The following RBFOX1 variants were observed in gnomAD, a reference collection of about 807,000 sequenced individuals.
The protein encoded by RBFOX1 is RNA binding fox-1 homolog 1, also known as RNA binding protein fox-1 homolog 1.
In RBFOX1, 8 loss-of-function variants were observed where a neutral mutation model predicts 57.7. The ratio of observed to expected loss-of-function variants is 0.14; its 90% CI spans 0.08 to 0.25. RBFOX1 has a LOEUF of 0.25. RBFOX1 is among the 10% of genes least tolerant of loss of function. The pLI, the probability that RBFOX1 is intolerant of heterozygous loss-of-function variation, is 1.00. For missense variants in RBFOX1, 611 were observed against 548.5 expected, an observed-to-expected ratio of 1.11 and a Z score of -1.14; for synonymous variants, 326 against 222.4, an observed-to-expected ratio of 1.47 and a Z score of -4.15.
chr16:7,678,419 C>G (rs2073935247), intron 14 of RBFOX1, among the ~76,000 whole-genome samples: 2 of 152,108 alleles, frequency 1.3e-5, no homozygotes, highest in South Asian at 4.1e-4. Context: ...TGCACTGAAG[C>G]TTCACAAAGT....
chr16:6,601,343 C>A (rs139874575), intron 2 of RBFOX1, among the ~76,000 whole-genome samples: 1 of 152,016 alleles, frequency 6.6e-6, no homozygotes. Context: ...ATTAGAGTTT[C>A]TTGTCTACTT....
At chr16:5,346,155 C>G (rs1028767141) in intron 1 of RBFOX1, among the ~76,000 whole-genome samples, 4 of 152,170 alleles carry the variant, frequency 2.6e-5, no homozygotes, top group African/African-American at 9.7e-5. Context: ...CTCCTGGGCT[C>G]TGGAGGCAGA....
intron 3 of RBFOX1, among the ~76,000 whole-genome samples, chr16:5,744,955 T>A (rs1291358642): frequency 6.6e-6 from 1 of 152,130 alleles, no homozygotes; most frequent in African/African-American, 2.4e-5. Flanking sequence ...GTATTTTTTT[T>A]TATTATACTT....
intron 4 of RBFOX1, among the ~76,000 whole-genome samples, chr16:7,326,023 G>A (rs146507343): frequency 6.6e-6 from 1 of 152,256 alleles, no homozygotes; most frequent in African/African-American, 2.4e-5. Context: ...AGGCATGTAG[G>A]GAAACCTGAC....
At chr16:7,494,551 A>G (rs8059779) in intron 4 of RBFOX1, among the ~76,000 whole-genome samples, 10 of 152,052 alleles carry the variant, frequency 6.6e-5, no homozygotes, top group Non-Finnish European at 1.3e-4. Flanking sequence ...TAGCACAGAG[A>G]TGTTCAGCAT....
At chr16:6,922,543 G>A (rs1038957319) in intron 3 of RBFOX1, among the ~76,000 whole-genome samples, 4 of 152,136 alleles carry the variant, frequency 2.6e-5, no homozygotes, top group African/African-American at 9.7e-5. Flanking sequence ...CTGCGTCTGT[G>A]TTTTCATTTC....
At chr16:6,841,772 G>T (rs949153085) in intron 3 of RBFOX1, among the ~76,000 whole-genome samples, 2 of 152,092 alleles carry the variant, frequency 1.3e-5, no homozygotes, top group Non-Finnish European at 2.9e-5. Flanking sequence ...TGCAGCTTAA[G>T]GGTTCCATTC....
intron 1 of RBFOX1, among the ~76,000 whole-genome samples, chr16:6,071,985 C>T (rs1393000518): frequency 6.6e-6 from 1 of 152,136 alleles, no homozygotes; most frequent in African/African-American, 2.4e-5. Context: ...TTGTTTTAGT[C>T]AGTTCTCACA....
chr16:7,663,984 C>G (rs1194288014), intron 12 of RBFOX1, among the ~76,000 whole-genome samples: 1 of 152,166 alleles, frequency 6.6e-6, no homozygotes, highest in African/African-American at 2.4e-5. Context: ...TCTGAAGTCT[C>G]TTCTTTCTGG....
At chr16:7,364,304 G>C (rs1306576143) in intron 4 of RBFOX1, among the ~76,000 whole-genome samples, 1 of 152,080 alleles carries the variant, frequency 6.6e-6, no homozygotes, top group Non-Finnish European at 1.5e-5. Context: ...TTATCTTGCA[G>C]TTACTATGGA....
intron 2 of RBFOX1, among the ~76,000 whole-genome samples, chr16:5,524,185 A>G (rs1381365781): frequency 1.3e-5 from 2 of 152,216 alleles, no homozygotes; most frequent in Non-Finnish European, 2.9e-5. Context: ...TCTAGAGCTG[A>G]GACAAAGCTG....
intron 4 of RBFOX1, among the ~76,000 whole-genome samples, chr16:7,134,564 C>G (rs957897580): frequency 2.6e-5 from 4 of 152,214 alleles, no homozygotes; most frequent in Middle Eastern, 3.4e-3. Context: ...AATTGCTAGC[C>G]TATTTTCTTA....
At position 6,812,645 on chromosome 16, in the gene RBFOX1, G is replaced by A. The variant is rs552249179; in HGVS notation, c.-16+157995G>A. On this transcript the variant is annotated intron_variant, in intron 3 of 15. Coordinates refer to ENST00000550418, the MANE Select transcript of RBFOX1 (RefSeq NM_018723.4). Reference sequence around the variant, plus strand: ...ACCCGCCTCAGCCTACCACAGTGCTGGGATTACAGGCGTGAGCTACCACGC... The same window carrying A: ...ACCCGCCTCAGCCTACCACAGTGCTAGGATTACAGGCGTGAGCTACCACGC... 3.3e-5 allele frequency among the ~76,000 whole-genome samples: 5 copies of A among 152,290 alleles called. No homozygotes were observed. In the East Asian group the frequency reaches 9.7e-4, roughly 29 times the overall value.
intron 4 of RBFOX1, among the ~76,000 whole-genome samples, chr16:7,157,155 G>A (rs1310286304): frequency 6.6e-6 from 1 of 152,192 alleles, no homozygotes; most frequent in East Asian, 1.9e-4. Flanking sequence ...GATAAGGGAA[G>A]CAAACTCACC....
In RBFOX1 at chr16:6,926,523, C is replaced by T. The variant is rs142731450; in HGVS notation, c.-15-125534C>T. On this transcript the variant is annotated intron_variant, in intron 3 of 15. Transcript: ENST00000550418. ...TTGTAGCGGTGTTATAGGCTGCAGG[C>T]CAGGGAGAGGCTTTCTGGAAAATTG... 5.8e-4 allele frequency among the ~76,000 whole-genome samples: 88 copies of T among 152,194 alleles called. 1 individual carries two copies. The highest frequency in any genetic ancestry group is 1.6e-3 in the African/African-American group (65 of 41,520).
intron 3 of RBFOX1, among the ~76,000 whole-genome samples, chr16:6,676,496 A>G (rs901100486): frequency 1.6e-4 from 25 of 152,074 alleles, no homozygotes; most frequent in African/African-American, 5.6e-4. Context: ...GGCCTTGGGA[A>G]TGAAAACTTT....
chr16:7,553,873 C>T (rs1344932648), intron 5 of RBFOX1, among the ~76,000 whole-genome samples: 1 of 152,166 alleles, frequency 6.6e-6, no homozygotes, highest in Non-Finnish European at 1.5e-5. Context: ...AGGCTGTCAG[C>T]CTGGCAGGTC....
At chr16:6,047,379 G>A (rs1219466128) in intron 1 of RBFOX1, among the ~76,000 whole-genome samples, 1 of 152,168 alleles carries the variant, frequency 6.6e-6, no homozygotes, top group Non-Finnish European at 1.5e-5. Context: ...TCCTTTCCCT[G>A]TGGTTGTTCT....
intron 3 of RBFOX1, among the ~76,000 whole-genome samples, chr16:6,851,518 A>G (rs948760830): frequency 1.6e-4 from 24 of 152,192 alleles, no homozygotes; most frequent in African/African-American, 4.6e-4. Flanking sequence ...GATATTCACA[A>G]CATATTTTAC....
Sources: allele counts gnomAD v4.1 joint callset (sites outside exome capture counted in the v4.1 genomes callset), GRCh38; gene constraint gnomAD v4.1.1; transcripts MANE v1.5; gene names NCBI Gene and HGNC (gene_info 2026-07-23, HGNC 2026-07-21).